The following NEGR1 variants were observed in gnomAD, a reference collection of about 807,000 sequenced individuals.
NEGR1 encodes the protein neuronal growth regulator 1.
Under a neutral mutation model 40.9 loss-of-function variants are expected in NEGR1, and 10 were observed. That is an observed-to-expected ratio of 0.24 (90% CI 0.15 to 0.42). The LOEUF is 0.42. Among genes scored for constraint, NEGR1 ranks in the 10% least tolerant of loss-of-function variants. The probability of loss-of-function intolerance (pLI) is 1.00; values close to 1 mark genes in which losing one functional copy is unlikely to be tolerated. For missense variants in NEGR1, 352 were observed against 438.9 expected (o/e 0.80, Z 1.77); for synonymous variants, 185 against 166.8 (o/e 1.11, Z -0.84).
chr1:72,113,899 G>A (rs1394374120), intron 1 of NEGR1, among the ~76,000 whole-genome samples: 2 of 151,592 alleles, frequency 1.3e-5, no homozygotes, highest in Non-Finnish European at 3.0e-5. Flanking sequence ...TTATCAATCA[G>A]GGCACTGTTG....
At chr1:71,999,124 T>C (rs929576981) in intron 1 of NEGR1, among the ~76,000 whole-genome samples, 3 of 151,994 alleles carry the variant, frequency 2.0e-5, no homozygotes. Context: ...CAGATGTCAA[T>C]TTCTGAAATG....
chr1:72,097,810 A>G (rs1648766566), intron 1 of NEGR1, among the ~76,000 whole-genome samples: 1 of 152,238 alleles, frequency 6.6e-6, no homozygotes, highest in Non-Finnish European at 1.5e-5. Flanking sequence ...GTGTTGACTC[A>G]TTCTTAGGGG....
intron 1 of NEGR1, among the ~76,000 whole-genome samples, chr1:72,077,448 A>G (rs1647791078): frequency 6.6e-6 from 1 of 152,096 alleles, no homozygotes. Flanking sequence ...AATAAAATCA[A>G]ACCTTTGCCA....
At chr1:71,991,877 C>T (rs1195919433) in intron 1 of NEGR1, among the ~76,000 whole-genome samples, 11 of 152,200 alleles carry the variant, frequency 7.2e-5, no homozygotes, top group Non-Finnish European at 1.3e-4. Flanking sequence ...CTGCAACCTC[C>T]GCCTCCTGGG....
chr1:71,897,108 G>A (rs1168314703), intron 2 of NEGR1, among the ~76,000 whole-genome samples: 1 of 152,020 alleles, frequency 6.6e-6, no homozygotes, highest in Non-Finnish European at 1.5e-5. Context: ...AGTAGTTGCT[G>A]AGTATTCTTC....
intron 3 of NEGR1, among the ~76,000 whole-genome samples, chr1:71,758,493 A>G (rs550987095): frequency 1.3e-5 from 2 of 152,230 alleles, no homozygotes; most frequent in East Asian, 3.9e-4. Flanking sequence ...TTAAAAGTTT[A>G]ACACAGTTTT....
In NEGR1 at chr1:71,850,054, A is replaced by C. The variant is rs528159691; in HGVS notation, c.410-73757T>G. On this transcript the variant is annotated intron_variant, in intron 2 of 6. Transcript: ENST00000357731. Reference sequence around the variant, plus strand: ...GTATGTATACTTTATGGAATGTCTAAACAAACTAATTGACATATCCATTAC... The same window carrying C: ...GTATGTATACTTTATGGAATGTCTACACAAACTAATTGACATATCCATTAC... Among the ~76,000 whole-genome samples, 11 of 152,256 alleles carry C rather than the reference A, an allele frequency of 7.2e-5. No homozygotes were observed. In the East Asian group the frequency reaches 2.1e-3, roughly 29 times the overall value.
chr1:71,877,378 G>T (rs569723321), intron 2 of NEGR1, among the ~76,000 whole-genome samples: 74 of 152,246 alleles, frequency 4.9e-4, no homozygotes, highest in African/African-American at 1.7e-3. Flanking sequence ...AAGGGTGGAA[G>T]TCTGAGATCA....
chr1:72,087,667 GC>G (rs1178226043), intron 1 of NEGR1, among the ~76,000 whole-genome samples: 2 of 150,578 alleles, frequency 1.3e-5, no homozygotes, highest in African/African-American at 4.9e-5. Context: ...TGTTGCCCAG[GC>G]TAGAGCGCTG....
At chr1:71,688,325 T>TATATATATATAG (rs1475341609) in intron 4 of NEGR1, among the ~76,000 whole-genome samples, 1,620 of 103,138 alleles carry the variant, frequency 0.016, 69 homozygotes, top group African/African-American at 0.024. Context: ...TATATATATA[T>TATATATATATAG]ATAGATAGAT....
chr1:71,788,539 T>C lies in NEGR1; in HGVS notation c.410-12242A>G, dbSNP rs770731854. ...TACTGGGGCTAGCTTCTGGGACTTATATTTAAATATAAATCACAAAAACTC... is the reference window on the plus strand; with the variant it reads ...TACTGGGGCTAGCTTCTGGGACTTACATTTAAATATAAATCACAAAAACTC... On this transcript the variant is annotated intron_variant, in intron 2 of 6. Transcript: ENST00000357731. Among the ~76,000 whole-genome samples, 4 of 152,208 alleles carry C rather than the reference T, an allele frequency of 2.6e-5. 1 individual carries two copies. Among genetic ancestry groups the C allele is most frequent in the Admixed American group, 6.6e-5 (1 of 15,262 alleles).
At chr1:72,248,425 T>C (rs1268407717) in intron 1 of NEGR1, among the ~76,000 whole-genome samples, 3 of 151,836 alleles carry the variant, frequency 2.0e-5, no homozygotes, top group African/African-American at 4.8e-5. Flanking sequence ...GCCTGGCTAA[T>C]ATTTGTATTT....
chr1:71,928,059 T>TAC lies in NEGR1; in HGVS notation c.409+7018_409+7019dup, dbSNP rs1192132223. Among the ~76,000 whole-genome samples, 8 of 88,608 alleles carry TAC rather than the reference T, an allele frequency of 9.0e-5. 1 individual carries two copies. Among genetic ancestry groups the TAC allele is most frequent in the African/African-American group, 1.4e-4 (3 of 21,880 alleles). The allele number at this position is 88,608 out of a possible 152,430, so 58.1% of individuals were successfully genotyped here. A position where few individuals can be genotyped will look rare whatever the true frequency, so the allele number is the denominator to read the frequency against. ...ACACACACACACACACGTATATATA[T>TAC]ACACACACACATATGTACATATATG... On this transcript the variant is annotated intron_variant, in intron 2 of 6. Transcript: ENST00000357731.
intron 4 of NEGR1, among the ~76,000 whole-genome samples, chr1:71,628,962 T>C (rs191841993): frequency 7.2e-4 from 110 of 152,264 alleles, no homozygotes; most frequent in African/African-American, 2.5e-3. Context: ...ATGGTATTTC[T>C]AGTTCTAGAT....
intron 1 of NEGR1, among the ~76,000 whole-genome samples, chr1:72,258,106 A>T (rs1215552260): frequency 1.3e-5 from 2 of 152,130 alleles, no homozygotes; most frequent in African/African-American, 4.8e-5. Flanking sequence ...TGTTCCATGA[A>T]TCAAGGGCCA....
intron 6 of NEGR1, among the ~76,000 whole-genome samples, chr1:71,477,633 T>C (rs750508495): frequency 1.3e-5 from 2 of 152,116 alleles, no homozygotes; most frequent in African/African-American, 2.4e-5. Flanking sequence ...CCAGTTGCTT[T>C]AGTTTAGTTA....
At position 71,582,994 on chromosome 1, in the gene NEGR1, T is replaced by A. The variant is rs1221857027; in HGVS notation, c.940+9823A>T. Among the ~76,000 whole-genome samples the A allele has an allele frequency of 2.0e-5, 3 of 152,264 alleles. No homozygotes were observed. The East Asian group carries it at 5.8e-4, about 29-fold the overall frequency. ...TTTGGGCTTCCCTATTCAGAGGCTG[T>A]TTGGTTCCGTTCTGAATCTATACTC... On this transcript the variant is annotated intron_variant, in intron 6 of 6. Coordinates refer to ENST00000357731, the MANE Select transcript of NEGR1 (RefSeq NM_173808.3).
At chr1:72,045,649 A>G (rs1303483401) in intron 1 of NEGR1, among the ~76,000 whole-genome samples, 1 of 151,806 alleles carries the variant, frequency 6.6e-6, no homozygotes, top group Non-Finnish European at 1.5e-5. Context: ...GCCATGTGGA[A>G]CTGTAAATTC....
At chr1:71,554,916 A>T (rs1648206614) in intron 6 of NEGR1, among the ~76,000 whole-genome samples, 1 of 151,668 alleles carries the variant, frequency 6.6e-6, no homozygotes, top group East Asian at 2.0e-4. Flanking sequence ...TTAACTCAAG[A>T]TCAGTAACCC....
Sources: allele counts gnomAD v4.1 joint callset (sites outside exome capture counted in the v4.1 genomes callset), GRCh38; gene constraint gnomAD v4.1.1; transcripts MANE v1.5; gene names NCBI Gene and HGNC (gene_info 2026-07-23, HGNC 2026-07-21).